The following SCAF11 variants were observed in gnomAD, a reference collection of about 807,000 sequenced individuals.
The protein encoded by SCAF11 is SR-related CTD associated factor 11, also known as protein SCAF11.
In SCAF11, 47 loss-of-function variants were observed where a neutral mutation model predicts 140.5. That is an observed-to-expected ratio of 0.33 (90% CI 0.26 to 0.43). The LOEUF is 0.43. SCAF11 is among the 20% of genes least tolerant of loss of function. The pLI is 1.00. For missense variants in SCAF11, 1,645 were observed against 1,705.1 expected (o/e 0.96, Z 0.62); for synonymous variants, 557 against 579.4 (o/e 0.96, Z 0.55).
intron 1 of SCAF11, among the ~76,000 whole-genome samples, chr12:45,988,594 A>C (rs1288042167): frequency 6.6e-6 from 1 of 152,178 alleles, no homozygotes; most frequent in Non-Finnish European, 1.5e-5. Flanking sequence ...AGAAAAAATT[A>C]AAAAATTATC....
intron 11 of SCAF11, 139 bp downstream of exon 11, chr12:45,926,003 C>T (rs554847071): frequency 3.8e-6 from 3 of 783,808 alleles, no homozygotes; most frequent in South Asian, 2.1e-5. Flanking sequence ...TTATATAATG[C>T]TAAGTGACTT....
chr12:45,969,298 A>C (rs958664440), intron 1 of SCAF11, among the ~76,000 whole-genome samples: 2 of 152,140 alleles, frequency 1.3e-5, no homozygotes, highest in African/African-American at 4.8e-5. Context: ...TCTTTAGCCT[A>C]GTCTGGTTTG....
chr12:45,933,255 T>C (rs1230120742), intron 8 of SCAF11, 23 bp from the exon 9 acceptor site: 2 of 1,518,696 alleles, frequency 1.3e-6, no homozygotes, highest in Admixed American at 1.7e-5. Flanking sequence ...TTTTAGACCT[T>C]CATCAGAATC....
At chr12:45,951,795 T>C (rs773692405) in intron 3 of SCAF11, 68 bp from the exon 4 acceptor site, 2 of 996,784 alleles carry the variant, frequency 2.0e-6, no homozygotes, top group Non-Finnish European at 3.0e-6. Context: ...AATACAATTA[T>C]AAATTTTCCA....
chr12:45,977,850 G>C (rs906496031), intron 1 of SCAF11, among the ~76,000 whole-genome samples: 1 of 151,998 alleles, frequency 6.6e-6, no homozygotes, highest in African/African-American at 2.4e-5. Context: ...TCTATAACCT[G>C]TACAGACACA....
chr12:45,968,141 A>G (rs931122926), intron 1 of SCAF11, among the ~76,000 whole-genome samples: 4 of 152,210 alleles, frequency 2.6e-5, no homozygotes, highest in Admixed American at 6.5e-5. Flanking sequence ...TACCTATACT[A>G]CTTATTAGTT....
chr12:45,967,519 C>T (rs1054815747), intron 1 of SCAF11, among the ~76,000 whole-genome samples: 4 of 152,102 alleles, frequency 2.6e-5, no homozygotes, highest in African/African-American at 9.7e-5. Context: ...TAGCAGGCAC[C>T]TATAATGCCA....
intron 3 of SCAF11, among the ~76,000 whole-genome samples, chr12:45,956,893 G>C (rs1217952477): frequency 6.6e-6 from 1 of 152,024 alleles, no homozygotes; most frequent in Non-Finnish European, 1.5e-5. Flanking sequence ...TTAGGTGATG[G>C]GTGTTCACAA....
At chr12:45,961,949 G>C in intron 2 of SCAF11, 92 bp from the exon 3 acceptor site, 1 of 912,088 alleles carries the variant, frequency 1.1e-6, no homozygotes, top group Middle Eastern at 2.3e-4. Context: ...TACTCTAAAG[G>C]ACCCTCCTAC....
At chr12:45,930,489 T>C (rs1224416240) in intron 10 of SCAF11, among the ~76,000 whole-genome samples, 1 of 150,958 alleles carries the variant, frequency 6.6e-6, no homozygotes, top group Non-Finnish European at 1.5e-5. Flanking sequence ...GCTGTTGTTC[T>C]GTTGCACAGG....
intron 1 of SCAF11, among the ~76,000 whole-genome samples, chr12:45,986,610 A>G (rs1278430136): frequency 6.6e-6 from 1 of 152,150 alleles, no homozygotes; most frequent in Non-Finnish European, 1.5e-5. Flanking sequence ...TAACAATAAG[A>G]TAGTTATACT....
chr12:45,928,458 T>A lies in SCAF11; in HGVS notation c.1243A>T (p.Thr415Ser). 1 of 1,612,780 alleles carries A rather than the reference T, an allele frequency of 6.2e-7. No homozygotes were observed. Among genetic ancestry groups the A allele is most frequent in the African/African-American group, 1.3e-5 (1 of 74,978 alleles). ...SVDEETAESD[T>S]SPVLEKEHQP... ...TGCTCTTTTTCTAACACAGGTGATGTGTCAGATTCTGCTGTTTCTTCATCT... is the reference window on the plus strand; with the variant it reads ...TGCTCTTTTTCTAACACAGGTGATGAGTCAGATTCTGCTGTTTCTTCATCT... The change falls in exon 11 of 15, where the codon ACA (threonine) becomes TCA (serine). Residue 415 changes from threonine (T) to serine (S), a missense_variant. Thr to Ser is a moderately conservative substitution (Grantham distance 58). Transcript: ENST00000369367.
rs866985511 is a variant in SCAF11 at position 45,927,312 on chromosome 12, G to A, written c.2389C>T (p.Pro797Ser). ...TTGTTGGGTGACCAAGTTGTAGATG[G>A]AGAATGAAATCTAGATCTTCGAGTA... ...PRTRRSRFHS[P>S]STTWSPNKDT... Residue 797 changes from proline (P) to serine (S), a missense_variant, in exon 11 of 15, where the codon CCA becomes TCA. This residue lies in a region of SCAF11 where 1,582 missense variants were observed against 1,609.2 expected (regional missense o/e 0.98). Coordinates refer to ENST00000369367, the MANE Select transcript of SCAF11 (RefSeq NM_004719.3). 1.2e-6 allele frequency: 2 copies of A among 1,614,072 alleles called. No individual in the cohort carries two copies. Among genetic ancestry groups the A allele is most frequent in the South Asian group, 1.1e-5 (1 of 91,068 alleles).
intron 6 of SCAF11, 178 bp downstream of exon 6, chr12:45,945,071 G>A (rs907179635): frequency 2.1e-5 from 12 of 562,742 alleles, no homozygotes; most frequent in Non-Finnish European, 3.4e-5. Flanking sequence ...GAAAAAAGGG[G>A]CAGAAAACAG....
chr12:45,941,528 C>T, intron 6 of SCAF11, among the ~76,000 whole-genome samples: 1 of 152,286 alleles, frequency 6.6e-6, no homozygotes, highest in East Asian at 1.9e-4. Context: ...TCTTGCATAA[C>T]TGAACCTCTG....
intron 9 of SCAF11, among the ~76,000 whole-genome samples, chr12:45,931,866 A>C (rs1945052278): frequency 1.3e-5 from 2 of 152,306 alleles, no homozygotes; most frequent in Non-Finnish European, 2.9e-5. Context: ...GATGAAAGCA[A>C]CTTAACACAG....
At chr12:45,948,234 G>C (rs1423735393) in intron 5 of SCAF11, among the ~76,000 whole-genome samples, 1 of 152,026 alleles carries the variant, frequency 6.6e-6, no homozygotes, top group Non-Finnish European at 1.5e-5. Flanking sequence ...TGCCCAGCCA[G>C]AACCAATTCT....
chr12:45,930,440 G>GGTTTTTTTTTTTTTTTTTTTTTTTTTT (rs376228492), intron 10 of SCAF11, among the ~76,000 whole-genome samples: 1 of 140,442 alleles, frequency 7.1e-6, no homozygotes, highest in African/African-American at 2.8e-5. Flanking sequence ...TTTGCGTTGT[G>GGTTTTTTTTTTTTTTTTTTTTTTTTTT]TTTTGTTTTT....
chr12:45,970,959 C>A (rs991504969), intron 1 of SCAF11, among the ~76,000 whole-genome samples: 5 of 152,068 alleles, frequency 3.3e-5, no homozygotes, highest in South Asian at 2.1e-4. Flanking sequence ...GATCAAAAAC[C>A]TAATTATTGA....
Sources: gnomAD v4.1 joint callset for allele counts (sites outside exome capture counted in the v4.1 genomes callset) on GRCh38, gnomAD v4.1.1 for gene constraint, gnomAD v4.1.1 regional missense constraint, MANE v1.5 for transcripts, NCBI Gene and HGNC (gene_info 2026-07-23, HGNC 2026-07-21) for gene names.